The following ARHGAP10 variants were observed in gnomAD, a reference collection of about 807,000 sequenced individuals.
ARHGAP10 encodes the protein rho GTPase-activating protein 10.
Under a neutral mutation model 108.6 loss-of-function variants are expected in ARHGAP10, and 87 were observed. The observed-to-expected ratio is 0.80, with a 90% CI of 0.67 to 0.96. The LOEUF (loss-of-function observed/expected upper bound fraction) is 0.96. ARHGAP10 is among the 40% of genes least tolerant of loss of function. The probability of loss-of-function intolerance (pLI) is 0.00; values close to 1 mark genes in which losing one functional copy is unlikely to be tolerated. For missense variants in ARHGAP10, 939 were observed against 954.5 expected (o/e 0.98, Z 0.21); for synonymous variants, 347 against 341.1 (o/e 1.02, Z -0.19).
Position 147,780,829 on chromosome 4 carries a change from G to A in ARHGAP10, c.155-41898G>A, listed in dbSNP as rs181305143. ...TACCTAAAGGAGTGCTGCCGGCATG[G>A]CATCCTCTGAGAGCAAGTCCACCTA... On this transcript the variant is annotated intron_variant, in intron 1 of 22. Transcript: ENST00000336498. Among the ~76,000 whole-genome samples, 16 of 152,258 alleles carry A rather than the reference G, an allele frequency of 1.1e-4. No homozygotes were observed. In the East Asian group the frequency reaches 2.9e-3, roughly 28 times the overall value.
chr4:147,793,825 G>A (rs948769234), intron 1 of ARHGAP10, among the ~76,000 whole-genome samples: 5 of 152,154 alleles, frequency 3.3e-5, no homozygotes, highest in South Asian at 4.1e-4. Context: ...ACATTGATAC[G>A]TATTTGTGGA....
intron 20 of ARHGAP10, among the ~76,000 whole-genome samples, chr4:148,061,851 C>T (rs931920900): frequency 1.3e-5 from 2 of 152,144 alleles, no homozygotes; most frequent in Non-Finnish European, 2.9e-5. Flanking sequence ...AAGAGAAATA[C>T]TTGAAGGCAT....
chr4:147,846,062 C>G (rs1051026997), intron 3 of ARHGAP10, among the ~76,000 whole-genome samples: 1 of 152,164 alleles, frequency 6.6e-6, no homozygotes, highest in Non-Finnish European at 1.5e-5. Context: ...ATTTTACACC[C>G]AAGCAGCAAA....
chr4:147,867,768 G>A (rs1734626684), intron 7 of ARHGAP10, among the ~76,000 whole-genome samples: 1 of 150,956 alleles, frequency 6.6e-6, no homozygotes, highest in South Asian at 2.1e-4. Context: ...GGAGGCTGAG[G>A]CAGGAGAATT....
intron 20 of ARHGAP10, among the ~76,000 whole-genome samples, chr4:148,061,609 T>G (rs560893406): frequency 2.7e-4 from 29 of 108,846 alleles, no homozygotes; most frequent in African/African-American, 8.1e-4. Flanking sequence ...CTTAGAAGAA[T>G]AATGTTTTTT....
At chr4:147,895,091 A>G (rs1735935306) in intron 10 of ARHGAP10, among the ~76,000 whole-genome samples, 1 of 151,946 alleles carries the variant, frequency 6.6e-6, no homozygotes, top group Non-Finnish European at 1.5e-5. Context: ...CATGAACTTG[A>G]TTTTCCATTT....
At chr4:147,969,622 A>T (rs771545046) in intron 18 of ARHGAP10, among the ~76,000 whole-genome samples, 3 of 152,150 alleles carry the variant, frequency 2.0e-5, no homozygotes, top group African/African-American at 7.2e-5. Flanking sequence ...TTCATGCTGC[A>T]ACTGCCTGTT....
rs112095776 is a variant in ARHGAP10 at position 147,741,792 on chromosome 4, G to GCACA, written c.154+9371_154+9374dup. ...TACACACACACACACACACACACAC[G>GCACA]CACACACACACACACACACACACAC... is the stretch of plus-strand genomic sequence containing the variant. On this transcript the variant is annotated intron_variant, in intron 1 of 22. Transcript: ENST00000336498. Among the ~76,000 whole-genome samples the GCACA allele has an allele frequency of 7.2e-3, 415 of 57,618 alleles. 1 individual carries two copies. The highest frequency in any genetic ancestry group is 0.046 in the East Asian group (94 of 2,044). 37.8% of individuals were successfully genotyped at this position (57,618 alleles called of 152,430 possible). A position where few individuals can be genotyped will look rare whatever the true frequency, so the allele number is the denominator to read the frequency against.
At chr4:147,848,850 G>A (rs1257151841) in intron 4 of ARHGAP10, among the ~76,000 whole-genome samples, 1 of 152,184 alleles carries the variant, frequency 6.6e-6, no homozygotes, top group Non-Finnish European at 1.5e-5. Flanking sequence ...AGTATATCCT[G>A]CAAAGCAACT....
rs747283369 is a variant in ARHGAP10, at chr4:147,879,252, A to C, written c.853A>C (p.Ser285Arg). The C allele has an allele frequency of 6.2e-7, 1 of 1,613,728 alleles. No homozygotes were observed. The highest frequency in any genetic ancestry group is 8.5e-7 in the Non-Finnish European group (1 of 1,179,872). Residue 285 changes from serine to arginine, a missense_variant, in exon 9 of 23, where the codon AGT (serine) becomes CGT (arginine). Physicochemically the swap from Ser to Arg is moderately radical, Grantham distance 110. Coordinates refer to ENST00000336498, the MANE Select transcript of ARHGAP10 (RefSeq NM_024605.4). ...QEKRPAPFGS[S>R]WVKHYCMYRK... ...TGAAGGGCCTGCTCCGTTTGGTTCC[A>C]GTTGGGTCAAACACTATTGCATGTA...
intron 1 of ARHGAP10, among the ~76,000 whole-genome samples, chr4:147,748,452 T>C (rs969837876): frequency 3.3e-5 from 5 of 152,226 alleles, no homozygotes; most frequent in Admixed American, 2.0e-4. Context: ...CTGTATAATA[T>C]GGAGCATATG....
intron 10 of ARHGAP10, among the ~76,000 whole-genome samples, chr4:147,906,279 C>T (rs1427106624): frequency 6.6e-6 from 1 of 152,156 alleles, no homozygotes; most frequent in African/African-American, 2.4e-5. Flanking sequence ...AAGGTGGAAG[C>T]AACCCAAGTG....
chr4:147,875,780 A>G (rs1735033634), intron 8 of ARHGAP10, among the ~76,000 whole-genome samples: 1 of 152,212 alleles, frequency 6.6e-6, no homozygotes, highest in Admixed American at 6.5e-5. Context: ...TTGCTGTCTT[A>G]GCAAATATGC....
chr4:147,915,602 A>G (rs1369607111), intron 13 of ARHGAP10, among the ~76,000 whole-genome samples: 1 of 152,138 alleles, frequency 6.6e-6, no homozygotes, highest in Non-Finnish European at 1.5e-5. Context: ...GGAGGCATTG[A>G]ATATGTTTTT....
intron 18 of ARHGAP10, among the ~76,000 whole-genome samples, chr4:147,980,839 G>A (rs1357177101): frequency 6.6e-6 from 1 of 152,142 alleles, no homozygotes; most frequent in Non-Finnish European, 1.5e-5. Context: ...GCATAGAGAT[G>A]TTCATAGTAG....
chr4:147,732,462 G>C lies in ARHGAP10; in HGVS notation c.154+7G>C. 1.9e-6 allele frequency: 3 copies of C among 1,610,582 alleles called. No homozygotes were observed. The highest frequency in any genetic ancestry group is 2.5e-6 in the Non-Finnish European group (3 of 1,178,296). ...CTCATCGCTGCGACGAAAAGTAAGC[G>C]GGGACGCGGGCGCGGACGGGCTGCG... On this transcript the variant is annotated splice_region_variant and intron_variant, in intron 1 of 22. Transcript: ENST00000336498.
chr4:147,970,696 T>G (rs1436435550), intron 18 of ARHGAP10, among the ~76,000 whole-genome samples: 1 of 152,216 alleles, frequency 6.6e-6, no homozygotes, highest in Non-Finnish European at 1.5e-5. Context: ...TAATCTGCTT[T>G]GGAGATGACA....
chr4:147,794,272 G>A (rs1382408921), intron 1 of ARHGAP10, among the ~76,000 whole-genome samples: 2 of 152,202 alleles, frequency 1.3e-5, no homozygotes, highest in African/African-American at 4.8e-5. Context: ...TCAGCATTAG[G>A]AGGATTATAA....
rs368872753 is a variant in ARHGAP10 at position 147,853,141 on chromosome 4, A to G, written c.385-4412A>G. 2.6e-4 allele frequency among the ~76,000 whole-genome samples: 39 copies of G among 152,330 alleles called. No homozygotes were observed. In the South Asian group the frequency reaches 7.7e-3, roughly 30 times the overall value. ...TGCAAGGTGGACACCAGCCTTGGAC[A>G]GGGCATGATCCCACACTCGCTCACA... On this transcript the variant is annotated intron_variant, in intron 4 of 22. Coordinates refer to ENST00000336498, the MANE Select transcript of ARHGAP10 (RefSeq NM_024605.4).
Sources: gnomAD v4.1 joint callset for allele counts (sites outside exome capture counted in the v4.1 genomes callset) on GRCh38, gnomAD v4.1.1 for gene constraint, MANE v1.5 for transcripts, NCBI Gene and HGNC (gene_info 2026-07-23, HGNC 2026-07-21) for gene names.